RORB: variants seen among roughly 807,000 people sequenced by gnomAD.
The protein encoded by RORB is RAR related orphan receptor B.
RORB carries 6 observed loss-of-function variants against 59.1 expected under a neutral mutation model. That is an observed-to-expected ratio of 0.10 (90% confidence interval 0.06 to 0.20). RORB has a LOEUF of 0.20. Among genes scored for constraint, RORB ranks in the 10% least tolerant of loss-of-function variants. The pLI is 1.00. For synonymous variants in RORB, 215 were observed against 204.5 expected (o/e 1.05, Z -0.44); for missense variants, 320 against 560.5 (o/e 0.57, Z 4.33).
At position 74,632,185 on chromosome 9, in the gene RORB, G is replaced by A. The variant is rs549636708; in HGVS notation, c.93+1818G>A. 1.9e-3 allele frequency among the ~76,000 whole-genome samples: 293 copies of A among 152,212 alleles called. 1 individual carries two copies. The highest frequency in any genetic ancestry group is 6.8e-3 in the African/African-American group (282 of 41,552). Reference sequence around the variant, plus strand: ...CAGTAATTTCCAAAAAATTTAACTAGTGCACAAATATAACCCAGCAAGCCA... The same window carrying A: ...CAGTAATTTCCAAAAAATTTAACTAATGCACAAATATAACCCAGCAAGCCA... On this transcript the variant is annotated intron_variant, in intron 2 of 9. Coordinates refer to ENST00000376896, the MANE Select transcript of RORB (RefSeq NM_006914.4).
At chr9:74,526,383 A>C (rs1826156692) in intron 1 of RORB, among the ~76,000 whole-genome samples, 1 of 151,820 alleles carries the variant, frequency 6.6e-6, no homozygotes, top group African/African-American at 2.4e-5. Context: ...CCAACTGGGC[A>C]GTCAGCAGTA....
intron 9 of RORB, among the ~76,000 whole-genome samples, chr9:74,682,830 G>A (rs57214601): frequency 9.2e-5 from 14 of 152,150 alleles, no homozygotes; most frequent in Admixed American, 2.0e-4. Context: ...GGCTTCAAGC[G>A]ATCCTCTTGC....
At chr9:74,576,549 T>C (rs1360865786) in intron 1 of RORB, among the ~76,000 whole-genome samples, 2 of 152,094 alleles carry the variant, frequency 1.3e-5, no homozygotes, top group Non-Finnish European at 2.9e-5. Flanking sequence ...CATGTCATGA[T>C]GATTATAATG....
At chr9:74,611,862 C>T (rs1823236880) in intron 1 of RORB, among the ~76,000 whole-genome samples, 1 of 152,088 alleles carries the variant, frequency 6.6e-6, no homozygotes, top group African/African-American at 2.4e-5. Context: ...ATTGGCCAGG[C>T]TGGTCTTGAA....
chr9:74,650,133 T>G (rs1200124959), intron 4 of RORB, among the ~76,000 whole-genome samples: 1 of 152,234 alleles, frequency 6.6e-6, no homozygotes, highest in Non-Finnish European at 1.5e-5. Flanking sequence ...CAGGAGGTTC[T>G]GCCTGTGACT....
chr9:74,536,736 T>G (rs1826328081), intron 1 of RORB, among the ~76,000 whole-genome samples: 1 of 151,836 alleles, frequency 6.6e-6, no homozygotes, highest in Non-Finnish European at 1.5e-5. Context: ...ATTCTGAAAA[T>G]GTAAGAAATA....
At chr9:74,593,988 T>C (rs1822937637) in intron 1 of RORB, among the ~76,000 whole-genome samples, 1 of 152,086 alleles carries the variant, frequency 6.6e-6, no homozygotes, top group Non-Finnish European at 1.5e-5. Context: ...AAAATAAAAA[T>C]TATGTAATAT....
chr9:74,643,045 G>C (rs549262789), intron 4 of RORB, among the ~76,000 whole-genome samples: 93 of 152,216 alleles, frequency 6.1e-4, no homozygotes, highest in African/African-American at 2.1e-3. Flanking sequence ...TAAATAGAAA[G>C]ATGCTATCTG....
intron 1 of RORB, among the ~76,000 whole-genome samples, chr9:74,527,848 G>T (rs1826178648): frequency 6.6e-6 from 1 of 151,918 alleles, no homozygotes; most frequent in Non-Finnish European, 1.5e-5. Flanking sequence ...TTCTCTCTGT[G>T]TATCTCACCA....
chr9:74,570,193 C>T (rs1209092506), intron 1 of RORB, among the ~76,000 whole-genome samples: 1 of 152,052 alleles, frequency 6.6e-6, no homozygotes, highest in Non-Finnish European at 1.5e-5. Context: ...CTTCAAATAG[C>T]TTTGCTCCAT....
rs111888965 is a variant in RORB, at chr9:74,684,861, C to G, written c.1225-602C>G. ...AGATCATTATAGATTGCACCTCATACAGTTTGGTTGTATATCCCTAAATAT... is the reference window on the plus strand; with the variant it reads ...AGATCATTATAGATTGCACCTCATAGAGTTTGGTTGTATATCCCTAAATAT... On this transcript the variant is annotated intron_variant, in intron 9 of 9. Coordinates refer to ENST00000376896, the MANE Select transcript of RORB (RefSeq NM_006914.4). Among the ~76,000 whole-genome samples, 753 of 152,280 alleles carry G rather than the reference C, an allele frequency of 4.9e-3. 5 individuals carry two copies. Among genetic ancestry groups the G allele is most frequent in the African/African-American group, 0.017 (725 of 41,562 alleles).
chr9:74,662,467 C>G lies in RORB; in HGVS notation c.760-7C>G, dbSNP rs1824204327. Reference sequence around the variant, plus strand: ...CCTATTTACATTCTGTGTCTTCTCTCCTCAAGTCCAGGGAAGCACTGTGGC... The same window carrying G: ...CCTATTTACATTCTGTGTCTTCTCTGCTCAAGTCCAGGGAAGCACTGTGGC... On this transcript the variant is annotated splice_region_variant and splice_polypyrimidine_tract_variant and intron_variant, in intron 5 of 9. Coordinates refer to ENST00000376896, the MANE Select transcript of RORB (RefSeq NM_006914.4). 1 of 1,613,862 alleles carries G rather than the reference C, an allele frequency of 6.2e-7. No individual in the cohort carries two copies. The highest frequency in any genetic ancestry group is 1.3e-5 in the African/African-American group (1 of 75,022).
At chr9:74,619,746 A>T (rs1184701832) in intron 1 of RORB, among the ~76,000 whole-genome samples, 3 of 152,168 alleles carry the variant, frequency 2.0e-5, no homozygotes, top group Non-Finnish European at 4.4e-5. Context: ...TGTTCTTAGC[A>T]TGAAGGGCTG....
intron 3 of RORB, among the ~76,000 whole-genome samples, chr9:74,636,759 C>T (rs1015848065): frequency 8.4e-5 from 12 of 142,962 alleles, no homozygotes; most frequent in Non-Finnish European, 1.7e-4. Context: ...GAAATGGTCA[C>T]GGGGGTGTGG....
intron 1 of RORB, among the ~76,000 whole-genome samples, chr9:74,499,626 A>G (rs1825779366): frequency 6.6e-6 from 1 of 152,148 alleles, no homozygotes. Flanking sequence ...TACACGCTCC[A>G]CTGTCTAAAT....
intron 1 of RORB, among the ~76,000 whole-genome samples, chr9:74,505,620 G>C (rs1439034568): frequency 6.6e-6 from 1 of 152,042 alleles, no homozygotes; most frequent in African/African-American, 2.4e-5. Flanking sequence ...AGTCAGACTA[G>C]CTCTCAAAGG....
intron 1 of RORB, among the ~76,000 whole-genome samples, chr9:74,522,743 A>T (rs28600695): frequency 0.3 from 44,701 of 151,456 alleles, 6,890 homozygotes; most frequent in Admixed American, 0.39. Flanking sequence ...TATTCTTCAC[A>T]AGGAACAACT....
chr9:74,503,383 C>A (rs1045019671), intron 1 of RORB, among the ~76,000 whole-genome samples: 5 of 151,930 alleles, frequency 3.3e-5, no homozygotes. Flanking sequence ...GTGCCTATAA[C>A]CACCCACTCA....
intron 1 of RORB, among the ~76,000 whole-genome samples, chr9:74,509,306 T>A (rs574974951): frequency 6.6e-6 from 1 of 152,230 alleles, no homozygotes; most frequent in East Asian, 1.9e-4. Flanking sequence ...GTAGTAAATT[T>A]TTTATCTTTC....
Sources: gnomAD v4.1 joint callset for allele counts (sites outside exome capture counted in the v4.1 genomes callset) on GRCh38, gnomAD v4.1.1 for gene constraint, MANE v1.5 for transcripts, NCBI Gene and HGNC (gene_info 2026-07-23, HGNC 2026-07-21) for gene names.